The following LDLRAD4 variants were observed in gnomAD, a reference collection of about 807,000 sequenced individuals.
LDLRAD4 encodes low-density lipoprotein receptor class A domain-containing protein 4.
In LDLRAD4, 5 loss-of-function variants were observed where a neutral mutation model predicts 17.0. The observed-to-expected ratio is 0.29, with a 90% CI of 0.15 to 0.62. The LOEUF (loss-of-function observed/expected upper bound fraction) is 0.62. Ranked by LOEUF, LDLRAD4 falls within the 20% of genes least tolerant of loss-of-function variation. LDLRAD4 has a pLI of 0.84. For missense variants in LDLRAD4, 340 were observed against 424.7 expected (o/e 0.80, Z 1.75); for synonymous variants, 168 against 171.8 (o/e 0.98, Z 0.17).
At chr18:13,595,675 T>C (rs764807593) in intron 3 of LDLRAD4, among the ~76,000 whole-genome samples, 11 of 152,184 alleles carry the variant, frequency 7.2e-5, no homozygotes, top group Non-Finnish European at 1.6e-4. Flanking sequence ...TAAATGTGTA[T>C]GTTGTTTATT....
intron 1 of LDLRAD4, among the ~76,000 whole-genome samples, chr18:13,263,517 G>A (rs2044037051): frequency 6.6e-6 from 1 of 152,202 alleles, no homozygotes; most frequent in African/African-American, 2.4e-5. Flanking sequence ...TTGCTTGGGA[G>A]AGAGGCAGGG....
intron 1 of LDLRAD4, among the ~76,000 whole-genome samples, chr18:13,316,267 C>T (rs113231729): frequency 0.032 from 4,823 of 152,266 alleles, 200 homozygotes; most frequent in African/African-American, 0.096. Context: ...GACAGCTCTA[C>T]GGCTGACAGC....
exon 6 of LDLRAD4, chr18:13,649,976 G>A (rs2043176697): frequency 2.5e-6 from 1 of 397,958 alleles, no homozygotes; most frequent in Non-Finnish European, 4.4e-6. Context: ...TTGGTGCGAG[G>A]AAAGTCACAA....
intron 1 of LDLRAD4, among the ~76,000 whole-genome samples, chr18:13,364,469 C>T (rs1167039100): frequency 6.6e-6 from 1 of 152,112 alleles, no homozygotes; most frequent in Non-Finnish European, 1.5e-5. Flanking sequence ...TCCCGAGTAG[C>T]TGGGACTAAC....
intron 3 of LDLRAD4, among the ~76,000 whole-genome samples, chr18:13,556,461 G>A (rs1284477278): frequency 6.6e-6 from 1 of 152,222 alleles, no homozygotes; most frequent in Non-Finnish European, 1.5e-5. Context: ...TAAGGTGGGT[G>A]CACAGGGAGA....
At chr18:13,642,301 GCC>G in intron 4 of LDLRAD4, 4 of 991,628 alleles carry the variant, frequency 4.0e-6, no homozygotes, top group Non-Finnish European at 4.8e-6. Context: ...CCAAACGCGG[GCC>G]CCTACACGCT....
rs561354520 is a variant in LDLRAD4, at chr18:13,611,579, C to A, written c.182-9538C>A. On this transcript the variant is annotated intron_variant, in intron 3 of 5. Transcript: ENST00000359446. ...GAACAAAATGAACCAGGAGAAAGCGCCCTCCTGAGACATGTCTCTGCTTTC... is the reference window on the plus strand; with the variant it reads ...GAACAAAATGAACCAGGAGAAAGCGACCTCCTGAGACATGTCTCTGCTTTC... The A allele has an allele frequency of 1.5e-5, 15 of 985,368 alleles. No homozygotes were observed. In the African/African-American group the frequency reaches 2.6e-4, roughly 17 times the overall value. The allele number at this position is 985,368 out of a possible 1,614,324, so 61.0% of individuals were successfully genotyped here.
At chr18:13,421,701 C>A (rs1393317184) in intron 2 of LDLRAD4, among the ~76,000 whole-genome samples, 2 of 152,240 alleles carry the variant, frequency 1.3e-5, no homozygotes, top group South Asian at 2.1e-4. Context: ...CCCTGCCCCC[C>A]ACCCACCGCC....
At chr18:13,403,684 C>G (rs2087437580) in intron 2 of LDLRAD4, among the ~76,000 whole-genome samples, 1 of 152,212 alleles carries the variant, frequency 6.6e-6, no homozygotes, top group African/African-American at 2.4e-5. Context: ...ATTTAGTTCT[C>G]TTTCAACAGG....
At chr18:13,258,358 G>A (rs1373636831) in intron 1 of LDLRAD4, among the ~76,000 whole-genome samples, 3 of 151,750 alleles carry the variant, frequency 2.0e-5, no homozygotes, top group East Asian at 3.9e-4. Context: ...TTAATTCTAC[G>A]AAATCCTTTT....
At chr18:13,474,561 G>T (rs1251658819) in intron 3 of LDLRAD4, among the ~76,000 whole-genome samples, 2 of 152,252 alleles carry the variant, frequency 1.3e-5, no homozygotes, top group Admixed American at 1.3e-4. Flanking sequence ...TCGGGGCCAG[G>T]TGGGTCTTGC....
chr18:13,311,472 G>A (rs1599317495), intron 1 of LDLRAD4, among the ~76,000 whole-genome samples: 1 of 152,230 alleles, frequency 6.6e-6, no homozygotes, highest in Non-Finnish European at 1.5e-5. Context: ...CCAGCCGTGG[G>A]TGACACTGCT....
At chr18:13,452,818 C>A (rs1216567611) in intron 3 of LDLRAD4, among the ~76,000 whole-genome samples, 1 of 152,180 alleles carries the variant, frequency 6.6e-6, no homozygotes, top group Non-Finnish European at 1.5e-5. Context: ...GATAAGAACT[C>A]ATCGGACCCC....
chr18:13,315,068 A>G (rs2080855339), intron 1 of LDLRAD4, among the ~76,000 whole-genome samples: 1 of 152,164 alleles, frequency 6.6e-6, no homozygotes, highest in African/African-American at 2.4e-5. Flanking sequence ...AGGGCATGCC[A>G]AGGAGGAGGA....
intron 3 of LDLRAD4, among the ~76,000 whole-genome samples, chr18:13,617,548 G>A (rs1182444786): frequency 6.6e-6 from 1 of 152,208 alleles, no homozygotes; most frequent in East Asian, 1.9e-4. Context: ...AAAGTTTATA[G>A]CATCTATAGA....
intron 3 of LDLRAD4, among the ~76,000 whole-genome samples, chr18:13,546,769 G>A (rs35880789): frequency 6.6e-6 from 1 of 152,188 alleles, no homozygotes; most frequent in Non-Finnish European, 1.5e-5. Flanking sequence ...TCTCAGCTTA[G>A]AGAAAGCGGT....
At chr18:13,429,983 C>T (rs2090217870) in intron 2 of LDLRAD4, among the ~76,000 whole-genome samples, 2 of 152,090 alleles carry the variant, frequency 1.3e-5, no homozygotes, top group African/African-American at 2.4e-5. Context: ...GGTCTCGGGG[C>T]GGTGGACTGT....
intron 3 of LDLRAD4, among the ~76,000 whole-genome samples, chr18:13,505,944 G>C (rs1054178026): frequency 1.3e-5 from 2 of 152,218 alleles, no homozygotes; most frequent in African/African-American, 4.8e-5. Flanking sequence ...GTCACCCGCA[G>C]TGTGGGGTGA....
intron 2 of LDLRAD4, among the ~76,000 whole-genome samples, chr18:13,425,470 T>C (rs2089852188): frequency 6.6e-6 from 1 of 152,200 alleles, no homozygotes; most frequent in Admixed American, 6.5e-5. Context: ...CTGGATTGGC[T>C]GTGGAGCAGA....
Sources: allele counts gnomAD v4.1 joint callset (sites outside exome capture counted in the v4.1 genomes callset), GRCh38; gene constraint gnomAD v4.1.1; transcripts MANE v1.5; gene names NCBI Gene and HGNC (gene_info 2026-07-23, HGNC 2026-07-21).